HRH1: variants seen among roughly 807,000 people sequenced by gnomAD.
HRH1 encodes histamine H1 receptor.
HRH1 carries 6 observed loss-of-function variants against 10.3 expected under a neutral mutation model. That is an observed-to-expected ratio of 0.58 (90% confidence interval 0.32 to 1.15). The LOEUF (loss-of-function observed/expected upper bound fraction) is 1.15, where lower values mean the gene tolerates loss of function less well. Among genes scored for constraint, HRH1 ranks in the 50% most tolerant of loss-of-function variants. The pLI is 0.05. For missense variants in HRH1, 514 were observed against 615.3 expected (o/e 0.84, Z 1.74); for synonymous variants, 242 against 236.7 (o/e 1.02, Z -0.21).
intron 1 of HRH1, among the ~76,000 whole-genome samples, chr3:11,138,294 T>A (rs1191367246): frequency 1.3e-5 from 2 of 151,446 alleles, no homozygotes; most frequent in African/African-American, 4.9e-5. Flanking sequence ...AGTGCTAGGA[T>A]TACAGGCGTG....
chr3:11,145,430 CT>C (rs1936416751), intron 1 of HRH1, among the ~76,000 whole-genome samples: 1 of 152,106 alleles, frequency 6.6e-6, no homozygotes, highest in Admixed American at 6.6e-5. Flanking sequence ...AGAAACCCTC[CT>C]TGAGTGTCTC....
At chr3:11,239,310 T>A (rs1939272540) in intron 1 of HRH1, among the ~76,000 whole-genome samples, 1 of 152,228 alleles carries the variant, frequency 6.6e-6, no homozygotes, top group African/African-American at 2.4e-5. Flanking sequence ...TCCTCTATCT[T>A]ATTTGGTGAA....
At chr3:11,186,831 C>T (rs347625) in intron 1 of HRH1, among the ~76,000 whole-genome samples, 146,319 of 152,270 alleles carry the variant, frequency 0.96, 70,327 homozygotes, top group East Asian at 1. Context: ...AGAAACAGAC[C>T]CAAATGCAGA....
intron 1 of HRH1, among the ~76,000 whole-genome samples, chr3:11,187,064 C>T (rs1335913801): frequency 1.3e-5 from 2 of 152,172 alleles, no homozygotes; most frequent in Non-Finnish European, 2.9e-5. Flanking sequence ...AAAATAATCT[C>T]AGGGTTATAC....
chr3:11,228,911 CAAAAA>C (rs10710059), intron 1 of HRH1, among the ~76,000 whole-genome samples: 1 of 115,574 alleles, frequency 8.7e-6, no homozygotes, highest in African/African-American at 3.2e-5. Context: ...GAGAGTATGT[CAAAAA>C]AAAAAAAAAA....
At chr3:11,149,499 A>G (rs1280178707), upstream of HRH1, among the ~76,000 whole-genome samples, 1 of 152,254 alleles carries the variant, frequency 6.6e-6, no homozygotes, top group Non-Finnish European at 1.5e-5. Context: ...ATCTGTTAGA[A>G]GGCACGAAAG....
chr3:11,183,994 C>T (rs1286606726), intron 1 of HRH1, among the ~76,000 whole-genome samples: 3 of 151,382 alleles, frequency 2.0e-5, no homozygotes, highest in Non-Finnish European at 2.9e-5. Context: ...TGCCATTTCT[C>T]CATGCCTGGG....
intron 1 of HRH1, among the ~76,000 whole-genome samples, chr3:11,148,743 GGAGGC>G (rs1263146258): frequency 3.9e-5 from 6 of 151,946 alleles, no homozygotes; most frequent in Non-Finnish European, 7.4e-5. Context: ...TTGCTACAAG[GGAGGC>G]TGGGAAATAT....
At chr3:11,178,160 C>A (rs980874235) in intron 1 of HRH1, among the ~76,000 whole-genome samples, 1 of 152,214 alleles carries the variant, frequency 6.6e-6, no homozygotes, top group African/African-American at 2.4e-5. Context: ...CTCATGCATA[C>A]TTTGTTCCTC....
intron 1 of HRH1, among the ~76,000 whole-genome samples, chr3:11,198,216 C>T (rs1937748529): frequency 6.6e-6 from 1 of 152,138 alleles, no homozygotes; most frequent in South Asian, 2.1e-4. Flanking sequence ...CCCTACCTTG[C>T]CCGCCGAGGA....
intron 1 of HRH1, among the ~76,000 whole-genome samples, chr3:11,219,440 A>G (rs4684060): frequency 0.13 from 20,208 of 151,998 alleles, 2,035 homozygotes; most frequent in South Asian, 0.33. Context: ...TAGGCTGGGC[A>G]CGGTGGCTCA....
chr3:11,254,923 G>C (rs1348644024), intron 1 of HRH1, among the ~76,000 whole-genome samples: 1 of 152,176 alleles, frequency 6.6e-6, no homozygotes, highest in South Asian at 2.1e-4. Context: ...CATTGGCTGG[G>C]GTTGGACTTC....
At chr3:11,177,003 G>C (rs1297126617) in intron 1 of HRH1, among the ~76,000 whole-genome samples, 2 of 151,856 alleles carry the variant, frequency 1.3e-5, no homozygotes, top group Non-Finnish European at 2.9e-5. Context: ...TGTGGCATGA[G>C]AATCGCTTAA....
At chr3:11,173,100 G>A (rs866151019) in intron 1 of HRH1, among the ~76,000 whole-genome samples, 14 of 152,174 alleles carry the variant, frequency 9.2e-5, no homozygotes, top group African/African-American at 3.1e-4. Flanking sequence ...GCTTGGAAAT[G>A]CTGAGTATCA....
At chr3:11,177,639 C>T (rs897941950) in intron 1 of HRH1, among the ~76,000 whole-genome samples, 9 of 152,324 alleles carry the variant, frequency 5.9e-5, no homozygotes, top group African/African-American at 1.9e-4. Flanking sequence ...TCCTTGAGAG[C>T]AGAGACTTTG....
rs147912366 is a variant in HRH1, at chr3:11,194,597, G to A, written c.-36+40043G>A. ...AATCCCAGCACTTTGGGAGGCTGAGGTGGGTCAGGAGTTCGAGACCACCCT... is the reference window on the plus strand; with the variant it reads ...AATCCCAGCACTTTGGGAGGCTGAGATGGGTCAGGAGTTCGAGACCACCCT... On this transcript the variant is annotated intron_variant, in intron 1 of 1. Transcript: ENST00000431010. 1.6e-3 allele frequency among the ~76,000 whole-genome samples: 248 copies of A among 152,324 alleles called. 1 individual carries two copies. The highest frequency in any genetic ancestry group is 5.4e-3 in the African/African-American group (225 of 41,572).
chr3:11,217,858 A>G (rs1273101063), intron 1 of HRH1, among the ~76,000 whole-genome samples: 3 of 152,212 alleles, frequency 2.0e-5, no homozygotes, highest in Admixed American at 2.0e-4. Context: ...GCCAAGCCCC[A>G]CCTGCAGTCT....
intron 1 of HRH1, among the ~76,000 whole-genome samples, chr3:11,247,616 A>C (rs1939523792): frequency 6.6e-6 from 1 of 152,232 alleles, no homozygotes; most frequent in African/African-American, 2.4e-5. Context: ...CCGAACAGGT[A>C]GCTAGGAGAC....
At chr3:11,219,529 T>C (rs747280656) in intron 1 of HRH1, among the ~76,000 whole-genome samples, 3 of 151,664 alleles carry the variant, frequency 2.0e-5, no homozygotes, top group African/African-American at 7.3e-5. Flanking sequence ...CTGGCCAACA[T>C]AGTGAAACCC....
Sources: gnomAD v4.1 joint callset for allele counts (sites outside exome capture counted in the v4.1 genomes callset) on GRCh38, gnomAD v4.1.1 for gene constraint, MANE v1.5 for transcripts, NCBI Gene and HGNC (gene_info 2026-07-23, HGNC 2026-07-21) for gene names.